Variants in ADCY2 observed in about 807,000 individuals in gnomAD.
ADCY2 encodes the protein adenylate cyclase 2.
ADCY2 carries 31 observed loss-of-function variants against 125.2 expected under a neutral mutation model. The observed-to-expected ratio is 0.25, with a 90% confidence interval of 0.19 to 0.33. The LOEUF is 0.33. Among genes scored for constraint, ADCY2 ranks in the 10% least tolerant of loss-of-function variants. The pLI is 1.00. For missense variants in ADCY2, 904 were observed against 1,418.2 expected (o/e 0.64, Z 5.82); for synonymous variants, 512 against 548.4 (o/e 0.93, Z 0.93).
chr5:7,580,599 A>G (rs961819602), intron 3 of ADCY2, among the ~76,000 whole-genome samples: 2 of 152,214 alleles, frequency 1.3e-5, no homozygotes, highest in Admixed American at 6.5e-5. Context: ...CTATATGATA[A>G]AAAGCCTAAC....
intron 11 of ADCY2, among the ~76,000 whole-genome samples, chr5:7,714,145 A>T (rs1404840248): frequency 6.6e-6 from 1 of 152,242 alleles, no homozygotes; most frequent in Non-Finnish European, 1.5e-5. Flanking sequence ...TGTAATAAAG[A>T]GAACTTAAGC....
intron 24 of ADCY2, among the ~76,000 whole-genome samples, chr5:7,825,168 A>G (rs1438327537): frequency 6.6e-6 from 1 of 150,726 alleles, no homozygotes. Context: ...TGCCACGACA[A>G]CGCTGCTGTG....
At chr5:7,790,428 T>C (rs546720515) in intron 20 of ADCY2, among the ~76,000 whole-genome samples, 2 of 152,362 alleles carry the variant, frequency 1.3e-5, no homozygotes, top group South Asian at 4.1e-4. Flanking sequence ...TTGCAAAGAC[T>C]ACAATGTCAG....
chr5:7,441,758 C>T (rs372456724), intron 2 of ADCY2, among the ~76,000 whole-genome samples: 26 of 152,162 alleles, frequency 1.7e-4, no homozygotes, highest in East Asian at 1.2e-3. Context: ...TATGGTGGCA[C>T]ATCTCTAATC....
At chr5:7,534,690 T>G (rs1410240521) in intron 3 of ADCY2, among the ~76,000 whole-genome samples, 1 of 152,252 alleles carries the variant, frequency 6.6e-6, no homozygotes, top group Admixed American at 6.5e-5. Context: ...GCATTCCTGC[T>G]TTCTTTTCCT....
chr5:7,788,804 G>T (rs988727824), intron 19 of ADCY2, among the ~76,000 whole-genome samples: 1 of 152,114 alleles, frequency 6.6e-6, no homozygotes. Context: ...GCATTTATTT[G>T]TCAATAAGTG....
rs576148363 is a variant in ADCY2, at chr5:7,526,333, C to T, written c.570+5434C>T. 2.2e-3 allele frequency among the ~76,000 whole-genome samples: 329 copies of T among 152,198 alleles called. 2 individuals are homozygous for T. The highest frequency in any genetic ancestry group is 0.019 in the South Asian group (91 of 4,816). ...GAAAAGGGAAGGCTGGGAAGGGAAG[C>T]GGGTGGTAAAATTGGTTCACAAGTA... is the stretch of plus-strand genomic sequence containing the variant. On this transcript the variant is annotated intron_variant, in intron 3 of 24. Transcript: ENST00000338316.
chr5:7,757,565 A>AATC lies in ADCY2; in HGVS notation c.2075_2076insCAT (p.Leu691_Met692insIle), dbSNP rs1180747149. 1.3e-5 allele frequency: 19 copies of AATC among 1,479,656 alleles called. No homozygotes were observed. In the South Asian group the frequency reaches 1.3e-4, roughly 10 times the overall value. The allele number at this position is 1,479,656 out of a possible 1,614,324, so 91.7% of individuals were successfully genotyped here. On this transcript the variant is annotated inframe_insertion, in exon 16 of 25. Coordinates refer to ENST00000338316, the MANE Select transcript of ADCY2 (RefSeq NM_020546.3). Reference sequence around the variant, plus strand: ...CGATCATCACCACAGCCATCATATTAATGATGGCCGTGTTCAACATGGTAA... The same window carrying AATC: ...CGATCATCACCACAGCCATCATATTAATCATGATGGCCGTGTTCAACATGGTAA...
At chr5:7,519,199 G>A (rs1460842388) in intron 2 of ADCY2, among the ~76,000 whole-genome samples, 1 of 152,156 alleles carries the variant, frequency 6.6e-6, no homozygotes, top group African/African-American at 2.4e-5. Context: ...TTCTTTTCAG[G>A]TTGTAATACG....
intron 6 of ADCY2, 61 bp from the exon 7 acceptor site, chr5:7,698,186 T>A: frequency 6.2e-7 from 1 of 1,603,498 alleles, no homozygotes; most frequent in Non-Finnish European, 8.5e-7. Flanking sequence ...TGATATTACA[T>A]GAATCTAGAT....
At chr5:7,780,322 G>A (rs1743878247) in intron 18 of ADCY2, among the ~76,000 whole-genome samples, 1 of 152,194 alleles carries the variant, frequency 6.6e-6, no homozygotes, top group African/African-American at 2.4e-5. Flanking sequence ...ACTCGTCCTT[G>A]TGGCATTATC....
At chr5:7,642,178 A>G (rs1738731610) in intron 4 of ADCY2, among the ~76,000 whole-genome samples, 1 of 152,110 alleles carries the variant, frequency 6.6e-6, no homozygotes, top group South Asian at 2.1e-4. Context: ...CAGCCTTACC[A>G]GCATGTGTGT....
intron 7 of ADCY2, among the ~76,000 whole-genome samples, 161 bp from the exon 8 acceptor site, chr5:7,706,583 C>T (rs961886377): frequency 1.3e-5 from 2 of 152,182 alleles, no homozygotes; most frequent in Non-Finnish European, 2.9e-5. Context: ...GAAGGAAAAT[C>T]CCTTCTTAGC....
At chr5:7,520,062 C>T (rs139200689) in intron 2 of ADCY2, among the ~76,000 whole-genome samples, 133 of 152,276 alleles carry the variant, frequency 8.7e-4, no homozygotes, top group South Asian at 3.7e-3. Context: ...CTGTGATAAA[C>T]ATTTGTGTTT....
intron 20 of ADCY2, chr5:7,794,601 T>G (rs539703052): frequency 6.6e-6 from 1 of 152,286 alleles, no homozygotes; most frequent in East Asian, 1.9e-4. Context: ...GAGTTTTGTT[T>G]GTTTCTGAAA....
Position 7,757,568 on chromosome 5 carries a change from G to GGCCGTGTTCAACATGGTAAGCCCCAGAGC in ADCY2, c.2076_2077insGCCGTGTTCAACATGGTAAGCCCCAGAGC (p.Met693AlafsTer19), listed in dbSNP as rs1743038739. ...TCATCACCACAGCCATCATATTAATGATGGCCGTGTTCAACATGGTAAGTC... is the reference window on the plus strand; with the variant it reads ...TCATCACCACAGCCATCATATTAATGGCCGTGTTCAACATGGTAAGCCCCAGAGCATGGCCGTGTTCAACATGGTAAGTC... On this transcript the variant is annotated frameshift_variant, in exon 16 of 25. Coordinates refer to ENST00000338316, the MANE Select transcript of ADCY2 (RefSeq NM_020546.3). LOFTEE classifies it high-confidence loss of function. 19 of 1,455,044 alleles carry GGCCGTGTTCAACATGGTAAGCCCCAGAGC rather than the reference G, an allele frequency of 1.3e-5. No homozygotes were observed. The South Asian group carries it at 1.3e-4, about 10-fold the overall frequency. The allele number at this position is 1,455,044 out of a possible 1,614,324, so 90.1% of individuals were successfully genotyped here. A position where few individuals can be genotyped will look rare whatever the true frequency, so the allele number is the denominator to read the frequency against.
chr5:7,705,224 A>G (rs1741229466), intron 7 of ADCY2, among the ~76,000 whole-genome samples: 2 of 152,246 alleles, frequency 1.3e-5, no homozygotes, highest in South Asian at 4.1e-4. Context: ...ACCTTGATCC[A>G]TTAGTAAACT....
chr5:7,566,201 A>G (rs537424621), intron 3 of ADCY2, among the ~76,000 whole-genome samples: 7 of 152,306 alleles, frequency 4.6e-5, no homozygotes, highest in African/African-American at 9.6e-5. Context: ...TGAGAAAGGG[A>G]CACTGCGCTG....
intron 4 of ADCY2, 76 bp from the exon 5 acceptor site, chr5:7,690,615 G>A: frequency 7.6e-7 from 1 of 1,310,854 alleles, no homozygotes; most frequent in Non-Finnish European, 9.9e-7. Context: ...ACAAATCAGT[G>A]AGGATCTCCA....
Sources: gnomAD v4.1 joint callset for allele counts (sites outside exome capture counted in the v4.1 genomes callset) on GRCh38, gnomAD v4.1.1 for gene constraint, MANE v1.5 for transcripts, NCBI Gene and HGNC (gene_info 2026-07-23, HGNC 2026-07-21) for gene names.